THTPA: variants seen among roughly 807,000 people sequenced by gnomAD.
The protein encoded by THTPA is thiamine-triphosphatase.
Under a neutral mutation model 16.5 loss-of-function variants are expected in THTPA, and 16 were observed. The ratio of observed to expected loss-of-function variants is 0.97; its 90% CI spans 0.66 to 1.47. THTPA has a LOEUF of 1.47. THTPA is among the 40% of genes most tolerant of loss of function. The pLI, the probability that THTPA is intolerant of heterozygous loss-of-function variation, is 0.00. For synonymous variants in THTPA, 110 were observed against 115.5 expected (o/e 0.95, Z 0.30); for missense variants, 281 against 280.9 (o/e 1.00, Z 0.00).
chr14:23,534,001 G>A, the THTPA span: 1 of 1,537,346 alleles, frequency 6.5e-7, no homozygotes, highest in Non-Finnish European at 8.7e-7. The surrounding 1 kb of genome is among the most constrained non-coding windows in gnomAD (Gnocchi z 4.5). Flanking sequence ...GTGGAGCAGG[G>A]ACATGTGGCT....
the THTPA span, chr14:23,528,613 T>C: frequency 1.0e-6 from 1 of 985,424 alleles, no homozygotes; most frequent in Non-Finnish European, 1.2e-6. Context: ...AACCATCACC[T>C]GGAAAGGGGC....
chr14:23,550,437 C>T, the THTPA span, among the ~76,000 whole-genome samples: 2 of 152,124 alleles, frequency 1.3e-5, no homozygotes, highest in African/African-American at 4.8e-5. Flanking sequence ...GCAGCCAAGG[C>T]GTGACACATA....
the THTPA span, among the ~76,000 whole-genome samples, chr14:23,549,510 T>C: frequency 2.0e-5 from 3 of 152,104 alleles, no homozygotes; most frequent in Admixed American, 6.6e-5. Context: ...TTACATACGA[T>C]AGCTTTTATT....
At chr14:23,518,058 T>TGTC in the THTPA span, among the ~76,000 whole-genome samples, 1 of 152,240 alleles carries the variant, frequency 6.6e-6, no homozygotes, top group Non-Finnish European at 1.5e-5. This position sits in a 1 kb window ranked among gnomAD's most constrained non-coding sequence, Gnocchi z 4.5. Flanking sequence ...TCTTGGGATA[T>TGTC]GTCCCTTGTA....
At position 23,559,949 on chromosome 14, in the gene THTPA, T is replaced by G. The variant is rs1345150425; in HGVS notation, c.*1109T>G. 13 of 1,613,176 alleles carry G rather than the reference T, an allele frequency of 8.1e-6. No homozygotes were observed. The highest frequency in any genetic ancestry group is 1.1e-5 in the Non-Finnish European group (13 of 1,179,402). Reference sequence around the variant, plus strand: ...CTCCTGAAGCTCACCTTGTTAGGATTGAGGATTCTGAAGAGCTGGGTGATA... The same window carrying G: ...CTCCTGAAGCTCACCTTGTTAGGATGGAGGATTCTGAAGAGCTGGGTGATA... On this transcript the variant is annotated 3_prime_UTR_variant, in exon 2 of 2. Coordinates refer to ENST00000288014, the MANE Select transcript of THTPA (RefSeq NM_024328.6).
chr14:23,534,568 A>C, the THTPA span: 1 of 1,536,028 alleles, frequency 6.5e-7, no homozygotes, highest in Admixed American at 2.0e-5. The surrounding 1 kb of genome is among the most constrained non-coding windows in gnomAD (Gnocchi z 4.5). Context: ...TGTGTGATCC[A>C]TAAAGGCCTG....
the THTPA span, among the ~76,000 whole-genome samples, chr14:23,545,343 G>A: frequency 3.9e-5 from 6 of 152,144 alleles, no homozygotes; most frequent in African/African-American, 7.2e-5. Context: ...CCACTCGTCC[G>A]CCCTCCTCAG....
At chr14:23,522,818 G>A in the THTPA span, 3 of 1,535,786 alleles carry the variant, frequency 2.0e-6, no homozygotes, top group Middle Eastern at 1.7e-4. Context: ...TGCTGTGGAG[G>A]TGTTGGTTTG....
chr14:23,523,086 A>C, the THTPA span: 1 of 1,402,650 alleles, frequency 7.1e-7, no homozygotes, highest in Non-Finnish European at 9.2e-7. The surrounding 1 kb of genome is among the most constrained non-coding windows in gnomAD (Gnocchi z 4.1). Context: ...CAAGAGCCTG[A>C]TGCAAAGGAA....
the THTPA span, chr14:23,521,608 A>C: frequency 4.5e-6 from 1 of 224,390 alleles, no homozygotes; most frequent in Non-Finnish European, 8.8e-6. Context: ...GGAGCTGGGA[A>C]TTCAGTGAGG....
At chr14:23,524,973 C>A in the THTPA span, 3 of 1,536,162 alleles carry the variant, frequency 2.0e-6, no homozygotes, top group Admixed American at 5.9e-5. This position sits in a 1 kb window ranked among gnomAD's most constrained non-coding sequence, Gnocchi z 5.6. Flanking sequence ...ATGGACCCAC[C>A]CTCACAGGCA....
chr14:23,531,271 T>G, the THTPA span: 1 of 609,840 alleles, frequency 1.6e-6, no homozygotes, highest in Non-Finnish European at 2.4e-6. Flanking sequence ...GCAAAGCCCC[T>G]GCCCTTCTTT....
chr14:23,525,955 G>A, the THTPA span: 5 of 1,499,068 alleles, frequency 3.3e-6, no homozygotes, highest in Non-Finnish European at 4.4e-6. The surrounding 1 kb of genome is among the most constrained non-coding windows in gnomAD (Gnocchi z 5.9). Context: ...GCAGGTCCAA[G>A]GGAGGTGGGG....
At chr14:23,547,965 C>T in the THTPA span, among the ~76,000 whole-genome samples, 1 of 152,178 alleles carries the variant, frequency 6.6e-6, no homozygotes, top group East Asian at 1.9e-4. Flanking sequence ...CCCATTTCCC[C>T]CCTTTCTGTA....
upstream of THTPA, among the ~76,000 whole-genome samples, chr14:23,553,719 C>A (rs146242388): frequency 8.9e-3 from 1,336 of 150,678 alleles, 22 homozygotes; most frequent in African/African-American, 0.031. Flanking sequence ...AGGGTAAAAC[C>A]CCATCTCTAC....
the THTPA span, among the ~76,000 whole-genome samples, chr14:23,544,975 C>G: frequency 6.6e-6 from 1 of 151,944 alleles, no homozygotes; most frequent in Admixed American, 6.6e-5. Context: ...CCTTTCATGT[C>G]TCCCTTCCCG....
the THTPA span, among the ~76,000 whole-genome samples, chr14:23,518,604 A>G: frequency 1.8e-4 from 27 of 152,120 alleles, no homozygotes; most frequent in Admixed American, 2.6e-4. The surrounding 1 kb of genome is among the most constrained non-coding windows in gnomAD (Gnocchi z 4.5). Flanking sequence ...GATCACTTTC[A>G]CCACCGCCTC....
the THTPA span, chr14:23,522,203 C>G: frequency 6.7e-7 from 1 of 1,482,370 alleles, no homozygotes; most frequent in Non-Finnish European, 8.9e-7. Flanking sequence ...GTGGTAGGTG[C>G]AGATGGGCAC....
chr14:23,530,569 T>C, the THTPA span: 1 of 430,830 alleles, frequency 2.3e-6, no homozygotes, highest in African/African-American at 2.1e-5. Flanking sequence ...CTTGGCTGAA[T>C]GGAAGCAGCT....
Sources: gnomAD v4.1 joint callset for allele counts (sites outside exome capture counted in the v4.1 genomes callset) on GRCh38, gnomAD v4.1.1 for gene constraint, Gnocchi (gnomAD v3.1) non-coding constraint, MANE v1.5 for transcripts, NCBI Gene and HGNC (gene_info 2026-07-23, HGNC 2026-07-21) for gene names.